DNM1L: variants seen among roughly 807,000 people sequenced by gnomAD.
DNM1L encodes the protein dynamin-1-like protein.
Under a neutral mutation model 92.8 loss-of-function variants are expected in DNM1L, and 33 were observed. The observed-to-expected ratio is 0.36, with a 90% CI of 0.27 to 0.48. The LOEUF (loss-of-function observed/expected upper bound fraction) is 0.48. Ranked by LOEUF, DNM1L falls within the 20% of genes least tolerant of loss-of-function variation. The pLI, the probability that DNM1L is intolerant of heterozygous loss-of-function variation, is 0.99. For synonymous variants in DNM1L, 284 were observed against 305.0 expected (o/e 0.93, Z 0.72); for missense variants, 485 against 888.8 (o/e 0.55, Z 5.78).
rs1955527688 is a variant in DNM1L, at chr12:32,744,651, T to C, written c.*1241T>C. On this transcript the variant is annotated 3_prime_UTR_variant, in exon 20 of 20. Coordinates refer to ENST00000549701, the MANE Select transcript of DNM1L (RefSeq NM_012062.5). ...TTGCTTGACCCTGGGAGGTGGAGGT[T>C]GTGGTGAGCTAAGATCGTGCCATTG... The C allele has an allele frequency of 3.3e-6, 1 of 306,700 alleles. No individual in the cohort carries two copies. Among genetic ancestry groups the C allele is most frequent in the South Asian group, 2.8e-5 (1 of 36,148 alleles). 19.0% of individuals were successfully genotyped at this position (306,700 alleles called of 1,614,324 possible).
chr12:32,679,835 CGCGGGGCACTCGG>C, intron 1 of DNM1L: 2 of 1,003,994 alleles, frequency 2.0e-6, no homozygotes, highest in South Asian at 4.7e-5. Context: ...CTGGGGGACG[CGCGGGGCACTCGG>C]GTCTCGCTGG....
intron 1 of DNM1L, among the ~76,000 whole-genome samples, chr12:32,680,680 G>A (rs1951770543): frequency 1.3e-5 from 2 of 152,162 alleles, no homozygotes; most frequent in African/African-American, 4.8e-5. Flanking sequence ...AGACTCAGAA[G>A]CATCAAACAA....
chr12:32,712,604 C>T (rs932728371), intron 5 of DNM1L, among the ~76,000 whole-genome samples: 4 of 134,616 alleles, frequency 3.0e-5, no homozygotes, highest in South Asian at 2.4e-4. Context: ...GAGCTATGAT[C>T]GCACCACTGC....
chr12:32,685,972 G>T, intron 1 of DNM1L, among the ~76,000 whole-genome samples: 1 of 131,234 alleles, frequency 7.6e-6, no homozygotes, highest in Non-Finnish European at 1.6e-5. Context: ...CTCTTTTTTT[G>T]TATAGATTAT....
chr12:32,720,569 C>G lies in DNM1L; in HGVS notation c.741-95C>G, dbSNP rs542213484. The G allele has an allele frequency of 1.9e-5, 29 of 1,528,696 alleles. No individual in the cohort carries two copies. The South Asian group carries it at 3.3e-4, about 17-fold the overall frequency. 94.7% of individuals were successfully genotyped at this position (1,528,696 alleles called of 1,614,324 possible). On this transcript the variant is annotated intron_variant, in intron 7 of 19. Transcript: ENST00000549701. ...GAGAATTAAATAAAACAGTCCCTGT[C>G]AGGTATTAGAGAACAATGCCTGGTG...
At chr12:32,715,093 C>CT (rs369946346) in intron 6 of DNM1L, among the ~76,000 whole-genome samples, 24,377 of 139,790 alleles carry the variant, frequency 0.17, 2,232 homozygotes, top group African/African-American at 0.24. Flanking sequence ...TTAATCTAAT[C>CT]TTTTTTTTTT....
intron 6 of DNM1L, among the ~76,000 whole-genome samples, chr12:32,714,039 T>C (rs138084268): frequency 6.6e-6 from 1 of 152,272 alleles, no homozygotes; most frequent in Non-Finnish European, 1.5e-5. Context: ...TCTCATAGTA[T>C]ATATAAAATG....
intron 5 of DNM1L, among the ~76,000 whole-genome samples, chr12:32,712,649 C>CAAAAAAAAAAA (rs59906286): frequency 1.0e-4 from 3 of 29,792 alleles, no homozygotes; most frequent in East Asian, 1.6e-3. Context: ...GACCCTGTCT[C>CAAAAAAAAAAA]AAAAAAAAAA....
Position 32,679,317 on chromosome 12 carries a change from T to G in DNM1L, c.-47T>G, listed in dbSNP as rs367813907. Reference sequence around the variant, plus strand: ...AGGCGAACTGTGGGCCCCGGCCCCATTCATTGCCGTGGCCGGCGGGCACTG... The same window carrying G: ...AGGCGAACTGTGGGCCCCGGCCCCAGTCATTGCCGTGGCCGGCGGGCACTG... On this transcript the variant is annotated 5_prime_UTR_variant, in exon 1 of 20. Transcript: ENST00000549701. 7.5e-7 allele frequency: 1 copy of G among 1,330,598 alleles called. No individual in the cohort carries two copies. The highest frequency in any genetic ancestry group is 1.2e-5 in the South Asian group (1 of 84,066). The allele number at this position is 1,330,598 out of a possible 1,614,324, so 82.4% of individuals were successfully genotyped here.
At chr12:32,719,041 T>C (rs1158103804) in intron 7 of DNM1L, among the ~76,000 whole-genome samples, 1 of 151,950 alleles carries the variant, frequency 6.6e-6, no homozygotes, top group Non-Finnish European at 1.5e-5. Context: ...AGCATCAACC[T>C]CTGGGCTCAA....
rs374075424 is a variant in DNM1L, at chr12:32,696,500, G to C, written c.103-4915G>C. Among the ~76,000 whole-genome samples the C allele has an allele frequency of 9.9e-5, 15 of 152,038 alleles. 3 individuals carry two copies. The highest frequency in any genetic ancestry group is 1.3e-4 in the Admixed American group (2 of 15,284). On this transcript the variant is annotated intron_variant, in intron 1 of 19. Transcript: ENST00000549701. Reference sequence around the variant, plus strand: ...GCTTGTAGTCCAAGTTACTTGGAAGGCTGAGAGGAGAATCTATTGAGCCCA... The same window carrying C: ...GCTTGTAGTCCAAGTTACTTGGAAGCCTGAGAGGAGAATCTATTGAGCCCA...
chr12:32,685,690 AG>A (rs1951982870), intron 1 of DNM1L, among the ~76,000 whole-genome samples: 2 of 151,634 alleles, frequency 1.3e-5, no homozygotes, highest in Non-Finnish European at 2.9e-5. Context: ...CATCCCCTCC[AG>A]GGTTCAGGTT....
chr12:32,714,363 C>T (rs1174811406), intron 6 of DNM1L, among the ~76,000 whole-genome samples: 2 of 150,590 alleles, frequency 1.3e-5, no homozygotes, highest in Non-Finnish European at 2.9e-5. Context: ...AGCTCTGCCT[C>T]CCGGGTTCAC....
chr12:32,695,190 G>T (rs1952390107), intron 1 of DNM1L, among the ~76,000 whole-genome samples: 1 of 152,074 alleles, frequency 6.6e-6, no homozygotes, highest in Admixed American at 6.6e-5. Flanking sequence ...ACAACAAGAG[G>T]GATTTTTAGA....
At chr12:32,712,878 C>T (rs759832432) in intron 5 of DNM1L, among the ~76,000 whole-genome samples, 19 of 151,992 alleles carry the variant, frequency 1.3e-4, no homozygotes, top group Non-Finnish European at 2.2e-4. Context: ...CCTGAAATCA[C>T]GTTCAGAAAA....
At chr12:32,709,047 T>A (rs1953028089) in intron 4 of DNM1L, among the ~76,000 whole-genome samples, 1 of 152,198 alleles carries the variant, frequency 6.6e-6, no homozygotes, top group African/African-American at 2.4e-5. Flanking sequence ...TGCTAAAAGA[T>A]TATTTCCTGA....
At chr12:32,729,852 T>C (rs2137511099) in intron 9 of DNM1L, among the ~76,000 whole-genome samples, 1 of 152,330 alleles carries the variant, frequency 6.6e-6, no homozygotes, top group South Asian at 2.1e-4. Context: ...GGCTTACTTC[T>C]GTTAGCATAA....
rs185210937 is a variant in DNM1L at position 32,738,535 on chromosome 12, T to C, written c.1707+239T>C. The stretch of plus-strand genomic sequence containing the variant: ...CAAGAATAGTTTTAAATTTAGTATT[T>C]TGGTAGGAAATTCAGAGATTTCCTA... On this transcript the variant is annotated intron_variant, in intron 16 of 19. Transcript: ENST00000549701. Among the ~76,000 whole-genome samples the C allele has an allele frequency of 2.2e-3, 334 of 152,306 alleles. 1 individual carries two copies. Among genetic ancestry groups the C allele is most frequent in the Middle Eastern group, 0.02 (6 of 294 alleles).
intron 1 of DNM1L, among the ~76,000 whole-genome samples, chr12:32,698,728 T>C (rs1229958892): frequency 6.6e-6 from 1 of 152,010 alleles, no homozygotes. Context: ...TTAAGAAAAA[T>C]GGCAAATTTA....
Sources: gnomAD v4.1 joint callset for allele counts (sites outside exome capture counted in the v4.1 genomes callset) on GRCh38, gnomAD v4.1.1 for gene constraint, MANE v1.5 for transcripts, NCBI Gene and HGNC (gene_info 2026-07-23, HGNC 2026-07-21) for gene names.